Variants in CRYBB3 observed in about 807,000 individuals in gnomAD.
The protein encoded by CRYBB3 is beta-crystallin B3.
In CRYBB3, 35 loss-of-function variants were observed where a neutral mutation model predicts 28.3. The observed-to-expected ratio is 1.24, with a 90% CI of 0.95 to 1.64. The LOEUF (loss-of-function observed/expected upper bound fraction) is 1.64. Ranked by LOEUF, CRYBB3 falls within the 40% of genes most tolerant of loss-of-function variation. The pLI is 0.00. For missense variants in CRYBB3, 296 were observed against 297.4 expected, an observed-to-expected ratio of 1.00 and a Z score of 0.04; for synonymous variants, 106 against 110.4, an observed-to-expected ratio of 0.96 and a Z score of 0.25.
Position 25,203,865 on chromosome 22 carries a change from C to G in CRYBB3, c.297C>G (p.Asp99Glu). 1 of 1,614,192 alleles carries G rather than the reference C, an allele frequency of 6.2e-7. No homozygotes were observed. The highest frequency in any genetic ancestry group is 8.5e-7 in the Non-Finnish European group (1 of 1,180,028). The change falls in exon 4 of 6, where the codon GAC (aspartate) becomes GAG (glutamate). Residue 99 changes from aspartate (D) to glutamate (E), a missense_variant. Physicochemically the swap from Asp to Glu is conservative, Grantham distance 45. Transcript: ENST00000215855. Reference protein sequence around the residue: ...WDAWSNSRDSDSLLSLRPLNI... With the variant: ...WDAWSNSRDSESLLSLRPLNI... ...CCTGGTCCAACAGCCGTGATAGTGA[C>G]AGCCTTCTGTCCCTCCGGCCTCTGA...
chr22:25,205,083 G>T (rs1383981792), intron 4 of CRYBB3, 137 bp from the exon 5 acceptor site: 13 of 1,139,676 alleles, frequency 1.1e-5, no homozygotes, highest in Non-Finnish European at 1.7e-5. Flanking sequence ...CATCTCCTGA[G>T]GCCCTTCCCT....
In CRYBB3 at chr22:25,205,154, C is replaced by T. The variant is rs1024228628; in HGVS notation, c.328-66C>T. 13 of 1,606,426 alleles carry T rather than the reference C, an allele frequency of 8.1e-6. No individual in the cohort carries two copies. In the African/African-American group the frequency reaches 1.1e-4, roughly 13 times the overall value. ...GTGACCTGTTGATTCTTTCCGGCATCTGGAGCCTCCTTGACCTCTGTTCTG... is the reference window on the plus strand; with the variant it reads ...GTGACCTGTTGATTCTTTCCGGCATTTGGAGCCTCCTTGACCTCTGTTCTG... On this transcript the variant is annotated intron_variant, in intron 4 of 5. Coordinates refer to ENST00000215855, the MANE Select transcript of CRYBB3 (RefSeq NM_004076.5).
intron 3 of CRYBB3, 119 bp downstream of exon 3, chr22:25,202,911 C>A: frequency 6.6e-7 from 1 of 1,521,226 alleles, no homozygotes. Context: ...CCTTCTCTGG[C>A]CTCGTTTTCC....
intron 5 of CRYBB3, among the ~76,000 whole-genome samples, 171 bp from the exon 6 acceptor site, chr22:25,206,876 A>G (rs1327966265): frequency 6.6e-6 from 1 of 152,182 alleles, no homozygotes; most frequent in Non-Finnish European, 1.5e-5. Context: ...AGATAAGGCT[A>G]GAGATGCTTT....
At position 25,202,802 on chromosome 22, in the gene CRYBB3, T is replaced by C. The variant is rs1934971811; in HGVS notation, c.194+10T>C. 3.1e-6 allele frequency: 5 copies of C among 1,613,478 alleles called. No homozygotes were observed. ...AAGTGGAGTCCGGGCCGTGAGTACC[T>C]AGACCCCCAGTCCCTCGCCACAGCC... On this transcript the variant is annotated intron_variant, in intron 3 of 5. Coordinates refer to ENST00000215855, the MANE Select transcript of CRYBB3 (RefSeq NM_004076.5).
chr22:25,204,919 C>A lies in CRYBB3; in HGVS notation c.328-301C>A, dbSNP rs115234626. Among the ~76,000 whole-genome samples the A allele has an allele frequency of 0.015, 2,210 of 152,312 alleles. 47 individuals carry two copies. Among genetic ancestry groups the A allele is most frequent in the African/African-American group, 0.051 (2,111 of 41,556 alleles). On this transcript the variant is annotated intron_variant, in intron 4 of 5. Transcript: ENST00000215855. Reference sequence around the variant, plus strand: ...GATACTTTTGATCTCTGTCCACCCTCTCCTGGCCTCAGTTTCTCTATCATT... The same window carrying A: ...GATACTTTTGATCTCTGTCCACCCTATCCTGGCCTCAGTTTCTCTATCATT...
At position 25,202,802 on chromosome 22, in the gene CRYBB3, T is replaced by G; in HGVS notation, c.194+10T>G. ...AAGTGGAGTCCGGGCCGTGAGTACCTAGACCCCCAGTCCCTCGCCACAGCC... is the reference window on the plus strand; with the variant it reads ...AAGTGGAGTCCGGGCCGTGAGTACCGAGACCCCCAGTCCCTCGCCACAGCC... On this transcript the variant is annotated intron_variant, in intron 3 of 5. Coordinates refer to ENST00000215855, the MANE Select transcript of CRYBB3 (RefSeq NM_004076.5). 6.2e-7 allele frequency: 1 copy of G among 1,613,478 alleles called. No individual in the cohort carries two copies. Among genetic ancestry groups the G allele is most frequent in the Non-Finnish European group, 8.5e-7 (1 of 1,179,896 alleles).
In CRYBB3 at chr22:25,202,782, G is replaced by A. The variant is rs1301136012; in HGVS notation, c.184G>A (p.Glu62Lys). 3 of 1,613,944 alleles carry A rather than the reference G, an allele frequency of 1.9e-6. No homozygotes were observed. Among genetic ancestry groups the A allele is most frequent in the Non-Finnish European group, 2.5e-6 (3 of 1,180,006 alleles). Residue 62 changes from glutamate (E) to lysine (K), a missense_variant, in exon 3 of 6, where the codon GAG becomes AAG. Coordinates refer to ENST00000215855, the MANE Select transcript of CRYBB3 (RefSeq NM_004076.5). Reference sequence around the variant, plus strand: ...GGAGAAGGTGGGCTCCATCCAAGTGGAGTCCGGGCCGTGAGTACCTAGACC... The same window carrying A: ...GGAGAAGGTGGGCTCCATCCAAGTGAAGTCCGGGCCGTGAGTACCTAGACC... The part of the protein sequence containing the change: ...LLEKVGSIQV[E>K]SGPWLAFESR...
intron 5 of CRYBB3, among the ~76,000 whole-genome samples, chr22:25,206,559 CAT>C (rs1206742948): frequency 6.6e-5 from 10 of 152,144 alleles, no homozygotes; most frequent in African/African-American, 2.4e-4. Flanking sequence ...AGAAAAATTA[CAT>C]AGTTTGATGG....
At chr22:25,204,506 C>T (rs889546203) in intron 4 of CRYBB3, among the ~76,000 whole-genome samples, 4 of 152,214 alleles carry the variant, frequency 2.6e-5, no homozygotes, top group African/African-American at 9.7e-5. Flanking sequence ...CAACCTCTGC[C>T]TCCTGGGTTC....
Position 25,202,719 on chromosome 22 carries a change from C to G in CRYBB3, c.121C>G (p.Leu41Val). Reference sequence around the variant, plus strand: ...GAACTTCCAAGGCAAACGCTGCGAGCTCTCGGCCGAGTGCCCCAGCCTGAC... The same window carrying G: ...GAACTTCCAAGGCAAACGCTGCGAGGTCTCGGCCGAGTGCCCCAGCCTGAC... ...LENFQGKRCE[L>V]SAECPSLTDS... Residue 41 changes from leucine (L) to valine (V), a missense_variant, in exon 3 of 6, where the codon CTC becomes GTC. Transcript: ENST00000215855. 6.2e-7 allele frequency: 1 copy of G among 1,614,088 alleles called. No individual in the cohort carries two copies. Among genetic ancestry groups the G allele is most frequent in the Non-Finnish European group, 8.5e-7 (1 of 1,180,018 alleles).
rs2269672 is a variant in CRYBB3, at chr22:25,201,364, T to C, written c.-20-13T>C. 0.54 allele frequency: 868,820 copies of C among 1,611,378 alleles called. 238,312 individuals carry two copies. The highest frequency in any genetic ancestry group is 0.79 in the African/African-American group (59,429 of 74,934). Reference sequence around the variant, plus strand: ...CGGGTGGATCCAGTGAACCATTTTCTTTTGGTTTGAAGCCAGAGGTGTTCC... The same window carrying C: ...CGGGTGGATCCAGTGAACCATTTTCCTTTGGTTTGAAGCCAGAGGTGTTCC... On this transcript the variant is annotated splice_polypyrimidine_tract_variant and intron_variant, in intron 1 of 5. Transcript: ENST00000215855.
chr22:25,203,069 T>G (rs1934975654), intron 3 of CRYBB3, among the ~76,000 whole-genome samples: 1 of 152,230 alleles, frequency 6.6e-6, no homozygotes, highest in Non-Finnish European at 1.5e-5. Flanking sequence ...ATAATTTTAA[T>G]AATAATTGTA....
At chr22:25,206,799 A>G (rs1347709500) in intron 5 of CRYBB3, among the ~76,000 whole-genome samples, 2 of 152,170 alleles carry the variant, frequency 1.3e-5, no homozygotes, top group Non-Finnish European at 2.9e-5. Context: ...AAGGCCCCCC[A>G]ACACAGCAGG....
Position 25,205,310 on chromosome 22 carries a change from T to C in CRYBB3, c.418T>C (p.Trp140Arg), listed in dbSNP as rs766864698. ...EIVDDDVPSLWAHGFQDRVAS... is the reference protein window; with the variant it reads ...EIVDDDVPSLRAHGFQDRVAS... ...AGTGGATGATGACGTGCCCAGCCTG[T>C]GGGCTCATGGCTTCCAGGACCGTGT... Residue 140 changes from tryptophan (W) to arginine (R), a missense_variant, in exon 5 of 6, where the codon TGG becomes CGG. Transcript: ENST00000215855. 1.2e-6 allele frequency: 2 copies of C among 1,614,014 alleles called. No individual in the cohort carries two copies. Among genetic ancestry groups the C allele is most frequent in the African/African-American group, 2.7e-5 (2 of 74,914 alleles).
intron 4 of CRYBB3, among the ~76,000 whole-genome samples, chr22:25,204,148 T>A (rs1361500823): frequency 2.0e-5 from 3 of 152,214 alleles, no homozygotes; most frequent in Non-Finnish European, 2.9e-5. Context: ...GACTTTTCTT[T>A]GTAACCGTAC....
At chr22:25,206,947 A>G (rs1231548843) in intron 5 of CRYBB3, 100 bp from the exon 6 acceptor site, 3 of 892,648 alleles carry the variant, frequency 3.4e-6, no homozygotes, top group Non-Finnish European at 3.8e-6. Flanking sequence ...CTGGGGAGCT[A>G]AAGAGGAATG....
Position 25,203,775 on chromosome 22 carries a change from T to A in CRYBB3, c.207T>A (p.Phe69Leu). 6.2e-7 allele frequency: 1 copy of A among 1,614,194 alleles called. No individual in the cohort carries two copies. The highest frequency in any genetic ancestry group is 8.5e-7 in the Non-Finnish European group (1 of 1,180,026). Reference sequence around the variant, plus strand: ...CTTCCTCCCTCAGGTGGCTGGCATTTGAGTCCAGGGCCTTCCGCGGGGAGC... The same window carrying A: ...CTTCCTCCCTCAGGTGGCTGGCATTAGAGTCCAGGGCCTTCCGCGGGGAGC... ...IQVESGPWLA[F>L]ESRAFRGEQF... is the part of the protein sequence containing the mutation. Residue 69 changes from phenylalanine (F) to leucine (L), a missense_variant, in exon 4 of 6, where the codon TTT becomes TTA. Transcript: ENST00000215855.
Position 25,200,675 on chromosome 22 carries a change from C to T in CRYBB3, c.-20-702C>T, listed in dbSNP as rs185080159. Among the ~76,000 whole-genome samples the T allele has an allele frequency of 1.3e-4, 20 of 152,288 alleles. No homozygotes were observed. In the Middle Eastern group the frequency reaches 0.014, roughly 104 times the overall value. On this transcript the variant is annotated intron_variant, in intron 1 of 5. Coordinates refer to ENST00000215855, the MANE Select transcript of CRYBB3 (RefSeq NM_004076.5). The stretch of plus-strand genomic sequence containing the variant: ...TGTCCCTGTAGCAATGAAGAACTGT[C>T]GGTGTCTGGGTCTTGAAGTGGCTGG...
Sources: gnomAD v4.1 joint callset for allele counts (sites outside exome capture counted in the v4.1 genomes callset) on GRCh38, gnomAD v4.1.1 for gene constraint, MANE v1.5 for transcripts, NCBI Gene and HGNC (gene_info 2026-07-23, HGNC 2026-07-21) for gene names.